FBXO21: variants seen among roughly 807,000 people sequenced by gnomAD.
FBXO21 encodes the protein F-box only protein 21.
FBXO21 carries 32 observed loss-of-function variants against 76.6 expected under a neutral mutation model. The observed-to-expected ratio is 0.42, with a 90% CI of 0.32 to 0.56. FBXO21 has a LOEUF of 0.56. FBXO21 is among the 20% of genes least tolerant of loss of function. The pLI is 0.16. For synonymous variants in FBXO21, 328 were observed against 311.5 expected (o/e 1.05, Z -0.56); for missense variants, 586 against 797.3 (o/e 0.73, Z 3.19).
chr12:117,190,117 C>T (rs1956329524), intron 1 of FBXO21, 101 bp downstream of exon 1: 2 of 562,132 alleles, frequency 3.6e-6, no homozygotes, highest in Non-Finnish European at 4.5e-6. Context: ...GGGGTGGGGT[C>T]CGCGCGCGGG....
chr12:117,172,286 T>C (rs959585462), intron 7 of FBXO21, among the ~76,000 whole-genome samples, 185 bp downstream of exon 7: 7 of 152,162 alleles, frequency 4.6e-5, no homozygotes, highest in African/African-American at 1.2e-4. Flanking sequence ...TTAACTGTTA[T>C]AGTATAATAA....
intron 11 of FBXO21, among the ~76,000 whole-genome samples, chr12:117,149,365 G>A (rs943467880): frequency 1.3e-5 from 2 of 152,120 alleles, no homozygotes; most frequent in Admixed American, 1.3e-4. Flanking sequence ...GAATACCATC[G>A]AGACAAAAAT....
chr12:117,167,338 C>T (rs1258299850), intron 7 of FBXO21, among the ~76,000 whole-genome samples: 7 of 152,184 alleles, frequency 4.6e-5, no homozygotes, highest in Admixed American at 4.6e-4. Context: ...CCAGGAGTAT[C>T]TACAAGTTCA....
intron 11 of FBXO21, among the ~76,000 whole-genome samples, chr12:117,148,445 T>C (rs1955803288): frequency 6.6e-6 from 1 of 152,192 alleles, no homozygotes; most frequent in Admixed American, 6.5e-5. Flanking sequence ...GCCATGAAAA[T>C]GAGCAACCTG....
chr12:117,156,349 GAA>G (rs935466435), intron 10 of FBXO21, among the ~76,000 whole-genome samples: 3 of 152,134 alleles, frequency 2.0e-5, no homozygotes, highest in African/African-American at 7.2e-5. Flanking sequence ...AGCCGTAAAG[GAA>G]AAGACTAACC....
At chr12:117,187,361 G>A (rs561201895) in intron 2 of FBXO21, among the ~76,000 whole-genome samples, 27 of 145,958 alleles carry the variant, frequency 1.8e-4, no homozygotes, top group Non-Finnish European at 3.3e-4. Context: ...CAGAGGTTGC[G>A]GTAAGCTGAG....
At chr12:117,182,828 G>T (rs1266556152) in intron 3 of FBXO21, among the ~76,000 whole-genome samples, 1 of 152,124 alleles carries the variant, frequency 6.6e-6, no homozygotes, top group Non-Finnish European at 1.5e-5. Context: ...CTCTCAAAAT[G>T]CTGTGATTAC....
intron 9 of FBXO21, among the ~76,000 whole-genome samples, chr12:117,161,222 A>G (rs1277155490): frequency 6.6e-6 from 1 of 152,094 alleles, no homozygotes; most frequent in East Asian, 1.9e-4. Context: ...GGCAGAAGTG[A>G]GCCAGCAAAT....
At chr12:117,175,675 G>A (rs1956165973) in intron 4 of FBXO21, among the ~76,000 whole-genome samples, 1 of 152,200 alleles carries the variant, frequency 6.6e-6, no homozygotes, top group African/African-American at 2.4e-5. Flanking sequence ...GGAAGCTGAA[G>A]CAGTTTATGC....
chr12:117,167,224 C>T (rs1256914953), intron 7 of FBXO21, 147 bp from the exon 8 acceptor site: 4 of 658,532 alleles, frequency 6.1e-6, no homozygotes, highest in Non-Finnish European at 1.0e-5. Context: ...TAAAATCTGA[C>T]CCCTTTGTGC....
chr12:117,169,158 A>G lies in FBXO21; in HGVS notation c.1014-2081T>C, dbSNP rs563965355. ...CTATGTAGCCACAAAAAAGAACAAG[A>G]TTATGTCCTTTGCAGGGATATGGAT... is the stretch of plus-strand genomic sequence containing the variant. On this transcript the variant is annotated intron_variant, in intron 7 of 11. Transcript: ENST00000622495. 2.6e-5 allele frequency among the ~76,000 whole-genome samples: 4 copies of G among 152,322 alleles called. No homozygotes were observed. The South Asian group carries it at 8.3e-4, about 32-fold the overall frequency.
At chr12:117,155,992 G>C (rs373003107) in intron 10 of FBXO21, 44 bp from the exon 11 acceptor site, 5 of 1,592,580 alleles carry the variant, frequency 3.1e-6, no homozygotes, top group South Asian at 2.2e-5. Context: ...AGACCCGGCC[G>C]CAACAACCTC....
At chr12:117,175,232 A>G (rs1956161601) in intron 4 of FBXO21, among the ~76,000 whole-genome samples, 2 of 152,238 alleles carry the variant, frequency 1.3e-5, no homozygotes, top group African/African-American at 4.8e-5. Flanking sequence ...ACAACTTGAA[A>G]GCCCTCCATG....
intron 6 of FBXO21, 150 bp downstream of exon 6, chr12:117,174,055 T>C (rs971123564): frequency 6.3e-6 from 4 of 632,700 alleles, no homozygotes; most frequent in Non-Finnish European, 1.1e-5. Flanking sequence ...CAAGATCGCC[T>C]GAGCCCAGGA....
chr12:117,172,050 G>C (rs919198168), intron 7 of FBXO21, among the ~76,000 whole-genome samples: 2 of 152,122 alleles, frequency 1.3e-5, no homozygotes, highest in African/African-American at 4.8e-5. Flanking sequence ...GTGGGACAAA[G>C]GGGGAGATTT....
chr12:117,186,298 T>C (rs1045761377), intron 3 of FBXO21, among the ~76,000 whole-genome samples, 179 bp downstream of exon 3: 3 of 152,218 alleles, frequency 2.0e-5, no homozygotes, highest in African/African-American at 4.8e-5. Context: ...TAAGGTTTCT[T>C]TATATGTCAA....
In FBXO21 at chr12:117,172,457, T is replaced by C; in HGVS notation, c.1013+14A>G. ...AATCTTCAGGACCACAGATAATGTG[T>C]CACGGATGCTCACCCTTCTGCGCCT... On this transcript the variant is annotated intron_variant, in intron 7 of 11. Coordinates refer to ENST00000622495, the MANE Select transcript of FBXO21 (RefSeq NM_015002.3). The C allele has an allele frequency of 6.2e-7, 1 of 1,609,326 alleles. No individual in the cohort carries two copies. Among genetic ancestry groups the C allele is most frequent in the Non-Finnish European group, 8.5e-7 (1 of 1,176,852 alleles).
At chr12:117,175,086 A>G (rs1476517366) in intron 4 of FBXO21, among the ~76,000 whole-genome samples, 5 of 152,234 alleles carry the variant, frequency 3.3e-5, no homozygotes, top group Non-Finnish European at 7.3e-5. Context: ...TCTATTACAA[A>G]GAGAAGTAAA....
At chr12:117,159,852 A>G (rs574927904) in intron 9 of FBXO21, among the ~76,000 whole-genome samples, 42 of 152,338 alleles carry the variant, frequency 2.8e-4, no homozygotes, top group East Asian at 2.7e-3. Context: ...GGAAGTCTAG[A>G]TAAGGTCAAG....
Sources: gnomAD v4.1 joint callset for allele counts (sites outside exome capture counted in the v4.1 genomes callset) on GRCh38, gnomAD v4.1.1 for gene constraint, MANE v1.5 for transcripts, NCBI Gene and HGNC (gene_info 2026-07-23, HGNC 2026-07-21) for gene names.